The following MRPS27 variants were observed in gnomAD, a reference collection of about 807,000 sequenced individuals.
The protein encoded by MRPS27 is small ribosomal subunit protein mS27.
A neutral mutation model predicts 48.9 loss-of-function variants in MRPS27; 43 were observed. The observed-to-expected ratio is 0.88, with a 90% confidence interval of 0.69 to 1.13. MRPS27 has a LOEUF of 1.13. Among genes scored for constraint, MRPS27 ranks in the 50% most tolerant of loss-of-function variants. The pLI, the probability that MRPS27 is intolerant of heterozygous loss-of-function variation, is 0.00. For synonymous variants in MRPS27, 188 were observed against 171.9 expected (o/e 1.09, Z -0.73); for missense variants, 467 against 476.3 (o/e 0.98, Z 0.18).
chr5:72,289,255 C>T (rs1749755848), intron 4 of MRPS27, among the ~76,000 whole-genome samples: 1 of 152,174 alleles, frequency 6.6e-6, no homozygotes, highest in African/African-American at 2.4e-5. Context: ...ATCTGAACTT[C>T]CTTTCTTACT....
chr5:72,225,862 T>C (rs182514354), intron 9 of MRPS27, among the ~76,000 whole-genome samples, 195 bp downstream of exon 9: 2 of 152,188 alleles, frequency 1.3e-5, no homozygotes, highest in African/African-American at 4.8e-5. Flanking sequence ...AAATCAATGT[T>C]AATCATATTT....
At chr5:72,297,033 C>G in intron 3 of MRPS27, among the ~76,000 whole-genome samples, 1 of 152,150 alleles carries the variant, frequency 6.6e-6, no homozygotes, top group East Asian at 1.9e-4. Context: ...TTTTTCCACG[C>G]TTACAAGCTG....
chr5:72,302,699 G>A (rs1446908819), intron 2 of MRPS27, among the ~76,000 whole-genome samples: 1 of 152,220 alleles, frequency 6.6e-6, no homozygotes, highest in African/African-American at 2.4e-5. Context: ...CCTTTGAGGG[G>A]AGCAGTCCTT....
intron 4 of MRPS27, among the ~76,000 whole-genome samples, chr5:72,252,191 C>T (rs961526629): frequency 2.0e-5 from 3 of 152,240 alleles, no homozygotes; most frequent in Non-Finnish European, 4.4e-5. Flanking sequence ...CTATAGTGAC[C>T]ACAGCTTTTG....
chr5:72,297,334 T>C (rs1306389629), intron 3 of MRPS27, among the ~76,000 whole-genome samples: 1 of 152,114 alleles, frequency 6.6e-6, no homozygotes, highest in Non-Finnish European at 1.5e-5. Context: ...GAAGGATGTA[T>C]CAACTTAAAA....
intron 4 of MRPS27, among the ~76,000 whole-genome samples, chr5:72,291,699 G>C (rs1749824483): frequency 6.6e-6 from 1 of 152,206 alleles, no homozygotes. Flanking sequence ...TTATTCTTAT[G>C]CAAGTTCACA....
intron 4 of MRPS27, among the ~76,000 whole-genome samples, chr5:72,256,178 T>C (rs967952118): frequency 2.0e-4 from 31 of 152,230 alleles, no homozygotes; most frequent in Admixed American, 5.9e-4. Context: ...ATGACTATAA[T>C]ATCTAAGGTT....
At chr5:72,310,724 G>A (rs192047823) in intron 2 of MRPS27, among the ~76,000 whole-genome samples, 21 of 152,260 alleles carry the variant, frequency 1.4e-4, no homozygotes, top group African/African-American at 4.8e-4. Context: ...AAATCTAAGA[G>A]CAAACTTTTG....
intron 4 of MRPS27, among the ~76,000 whole-genome samples, chr5:72,239,716 C>T (rs1045475636): frequency 2.0e-5 from 3 of 152,016 alleles, no homozygotes; most frequent in African/African-American, 7.2e-5. Context: ...CTCACTGTCA[C>T]CCAGGATGGA....
chr5:72,260,648 C>T (rs1748939886), intron 4 of MRPS27, among the ~76,000 whole-genome samples: 1 of 151,986 alleles, frequency 6.6e-6, no homozygotes, highest in Non-Finnish European at 1.5e-5. Flanking sequence ...GACAAGTGGC[C>T]ATTGATTGAC....
chr5:72,268,751 G>C (rs1462921542), intron 4 of MRPS27, among the ~76,000 whole-genome samples: 1 of 152,172 alleles, frequency 6.6e-6, no homozygotes, highest in East Asian at 1.9e-4. Flanking sequence ...CTTATATGAG[G>C]ATGATAAAAA....
chr5:72,305,820 G>A (rs1750248915), intron 2 of MRPS27, among the ~76,000 whole-genome samples: 1 of 152,162 alleles, frequency 6.6e-6, no homozygotes, highest in African/African-American at 2.4e-5. Context: ...TGTTCACAGT[G>A]GATCCTATTC....
At position 72,236,871 on chromosome 5, in the gene MRPS27, T is replaced by G. The variant is rs1350733639; in HGVS notation, c.396+1143A>C. Among the ~76,000 whole-genome samples the G allele has an allele frequency of 2.0e-5, 3 of 152,032 alleles. No homozygotes were observed. In the South Asian group the frequency reaches 6.2e-4, roughly 32 times the overall value. On this transcript the variant is annotated intron_variant, in intron 5 of 10. Transcript: ENST00000261413. ...TTTAATTATTTCCTTCCAATCAGAT[T>G]CCCTCATCTTAATTCTCCAAGTTGT...
rs1348188523 is a variant in MRPS27, at chr5:72,297,625, T to A, written c.222+7A>T. On this transcript the variant is annotated splice_region_variant and intron_variant, in intron 3 of 10. Transcript: ENST00000261413. ...CTTGGAAAATATATATGTTAAAATT[T>A]TCTTACCCGTGATATTGTTAAAGAA... 6.4e-7 allele frequency: 1 copy of A among 1,555,878 alleles called. No homozygotes were observed. Among genetic ancestry groups the A allele is most frequent in the Admixed American group, 1.7e-5 (1 of 58,124 alleles).
intron 3 of MRPS27, among the ~76,000 whole-genome samples, chr5:72,296,520 T>C (rs1459794231): frequency 6.6e-6 from 1 of 152,130 alleles, no homozygotes; most frequent in Admixed American, 6.5e-5. Context: ...TCGAAGAGTA[T>C]AAGGCACCAA....
chr5:72,228,160 G>T, intron 8 of MRPS27, 106 bp downstream of exon 8: 2 of 993,558 alleles, frequency 2.0e-6, no homozygotes, highest in Non-Finnish European at 1.5e-6. Context: ...AAGGCTAATT[G>T]GATTTCACTG....
At position 72,234,012 on chromosome 5, in the gene MRPS27, T is replaced by C. The variant is rs144470671; in HGVS notation, c.475+107A>G. 3,554 of 1,211,370 alleles carry C rather than the reference T, an allele frequency of 2.9e-3. 64 individuals are homozygous for C. The African/African-American group carries it at 0.046, about 16-fold the overall frequency. 75.0% of individuals were successfully genotyped at this position (1,211,370 alleles called of 1,614,324 possible). ...AAAACTTTTCTGACTAAACGAGTAATGAAGAGATGTTATTAAGAAATAAAA... is the reference window on the plus strand; with the variant it reads ...AAAACTTTTCTGACTAAACGAGTAACGAAGAGATGTTATTAAGAAATAAAA... On this transcript the variant is annotated intron_variant, in intron 6 of 10. Coordinates refer to ENST00000261413, the MANE Select transcript of MRPS27 (RefSeq NM_015084.3).
intron 4 of MRPS27, among the ~76,000 whole-genome samples, chr5:72,245,589 A>G (rs1241548226): frequency 6.6e-6 from 1 of 152,206 alleles, no homozygotes; most frequent in Non-Finnish European, 1.5e-5. Context: ...AAGAAAAAAA[A>G]GGAGGAAAAC....
intron 2 of MRPS27, among the ~76,000 whole-genome samples, chr5:72,307,663 G>A (rs576439812): frequency 6.9e-6 from 1 of 145,694 alleles, no homozygotes; most frequent in East Asian, 2.2e-4. Flanking sequence ...ACCTTCAAAT[G>A]TTAAAACACT....
Sources: gnomAD v4.1 joint callset for allele counts (sites outside exome capture counted in the v4.1 genomes callset) on GRCh38, gnomAD v4.1.1 for gene constraint, MANE v1.5 for transcripts, NCBI Gene and HGNC (gene_info 2026-07-23, HGNC 2026-07-21) for gene names.